SULF2: variants seen among roughly 807,000 people sequenced by gnomAD.
SULF2 encodes the protein extracellular sulfatase Sulf-2.
Under a neutral mutation model 107.7 loss-of-function variants are expected in SULF2, and 52 were observed. The observed-to-expected ratio is 0.48, with a 90% CI of 0.39 to 0.61. The LOEUF (loss-of-function observed/expected upper bound fraction) is 0.61. Ranked by LOEUF, SULF2 falls within the 20% of genes least tolerant of loss-of-function variation. SULF2 has a pLI of 0.00. For missense variants in SULF2, 993 were observed against 1,177.3 expected (o/e 0.84, Z 2.29); for synonymous variants, 460 against 464.3 (o/e 0.99, Z 0.12).
chr20:47,749,234 C>T (rs553671251), intron 2 of SULF2, among the ~76,000 whole-genome samples: 125 of 152,322 alleles, frequency 8.2e-4, no homozygotes, highest in African/African-American at 2.9e-3. Context: ...TACCTCCAGA[C>T]ATTTGTATAA....
At chr20:47,731,081 C>T (rs188228549) in intron 3 of SULF2, among the ~76,000 whole-genome samples, 24 of 152,008 alleles carry the variant, frequency 1.6e-4, no homozygotes, top group African/African-American at 5.8e-4. Flanking sequence ...AGGCACACAG[C>T]TGCTGGAGTG....
intron 11 of SULF2, among the ~76,000 whole-genome samples, chr20:47,667,976 T>A (rs1341875359): frequency 6.6e-6 from 1 of 152,184 alleles, no homozygotes; most frequent in Admixed American, 6.5e-5. Context: ...GGGAAAGGCC[T>A]CCCCTCTCCA....
intron 11 of SULF2, among the ~76,000 whole-genome samples, chr20:47,671,111 G>A (rs6012241): frequency 0.82 from 124,401 of 152,096 alleles, 51,171 homozygotes; most frequent in South Asian, 0.93. Flanking sequence ...GTGAAGCGAT[G>A]GCCCAGGGTG....
At chr20:47,703,585 C>T (rs943968268) in intron 3 of SULF2, among the ~76,000 whole-genome samples, 2 of 152,174 alleles carry the variant, frequency 1.3e-5, no homozygotes, top group South Asian at 4.1e-4. Context: ...GGTCCAACCA[C>T]GGTGGGGAAC....
Position 47,663,186 on chromosome 20 carries a change from C to T in SULF2, c.2254G>A (p.Ala752Thr), listed in dbSNP as rs143301039. The change falls in exon 17 of 21, where the codon GCC becomes ACC. Residue 752 changes from alanine to threonine, a missense_variant. Coordinates refer to ENST00000688720, the MANE Select transcript of SULF2 (RefSeq NM_001387048.1). ...ATGCACCAGTACGTGTTATTGTTGG[C>T]GCTGGTGCAGGCACAGAAAGGCCCC... ...TLGPFCACTS[A>T]NNNTYWCMRT... 8.7e-6 allele frequency: 14 copies of T among 1,613,996 alleles called. No individual in the cohort carries two copies. The highest frequency in any genetic ancestry group is 2.7e-5 in the African/African-American group (2 of 74,900).
intron 2 of SULF2, among the ~76,000 whole-genome samples, chr20:47,745,429 AT>A (rs1408197709): frequency 1.5e-4 from 1 of 6,506 alleles, no homozygotes; most frequent in African/African-American, 8.3e-4. Context: ...ATATATATAT[AT>A]ATATATATAT....
intron 11 of SULF2, among the ~76,000 whole-genome samples, chr20:47,669,257 T>A (rs2087382417): frequency 6.6e-6 from 1 of 152,132 alleles, no homozygotes; most frequent in South Asian, 2.1e-4. Context: ...TGGGTCCCCC[T>A]TCTGCTGTGA....
intron 4 of SULF2, among the ~76,000 whole-genome samples, 180 bp downstream of exon 4, chr20:47,702,339 C>T (rs1343945191): frequency 1.3e-5 from 2 of 152,140 alleles, no homozygotes; most frequent in South Asian, 2.1e-4. Flanking sequence ...GGATTACAGG[C>T]GTGAGCCACT....
At chr20:47,723,927 C>T (rs974285093) in intron 3 of SULF2, among the ~76,000 whole-genome samples, 8 of 152,190 alleles carry the variant, frequency 5.3e-5, no homozygotes, top group African/African-American at 1.4e-4. Context: ...CTGTCTTCCA[C>T]GAAACCGGTT....
intron 19 of SULF2, 54 bp downstream of exon 19, chr20:47,659,643 G>A: frequency 1.6e-5 from 25 of 1,521,136 alleles, no homozygotes; most frequent in Non-Finnish European, 2.3e-5. Context: ...TGAGACTGAA[G>A]GATGGGCCAA....
chr20:47,658,278 G>A lies in SULF2; in HGVS notation c.*84C>T. 6.8e-7 allele frequency: 1 copy of A among 1,463,452 alleles called. No homozygotes were observed. The allele number at this position is 1,463,452 out of a possible 1,614,324, so 90.7% of individuals were successfully genotyped here. ...GCCTCCTGGCCAATACCACAGGTCT[G>A]CTGGAAATCACCCACATGGTTTTTC... On this transcript the variant is annotated 3_prime_UTR_variant, in exon 21 of 21. Transcript: ENST00000688720.
In SULF2 at chr20:47,663,540, G is replaced by A. The variant is rs557579687; in HGVS notation, c.2140C>T (p.Leu714=). 3.7e-6 allele frequency: 6 copies of A among 1,613,080 alleles called. No homozygotes were observed. Among genetic ancestry groups the A allele is most frequent in the Middle Eastern group, 1.7e-4 (1 of 6,060 alleles). The change falls in exon 16 of 21, where the codon CTG becomes TTG. Residue 714 remains leucine, a synonymous_variant. Transcript: ENST00000688720. ...KKKLRKLLKR[L]QNNDTCSMPG... ...ATGCTGCACGTGTCGTTGTTCTGCA[G>A]GCGCTTGAGCAGCTTGCGGAGTTTC...
rs1328080031 is a variant in SULF2 at position 47,659,746 on chromosome 20, A to G, written c.2495-16T>C. The G allele has an allele frequency of 1.9e-6, 3 of 1,610,608 alleles. No individual in the cohort carries two copies. Among genetic ancestry groups the G allele is most frequent in the African/African-American group, 1.3e-5 (1 of 74,636 alleles). ...TCTTTAAGTCCTAAATGAAGGAGAA[A>G]TGAAAAACAAAACAGGAGCAGATAG... is the stretch of plus-strand genomic sequence containing the variant. On this transcript the variant is annotated splice_polypyrimidine_tract_variant and intron_variant, in intron 18 of 20. Coordinates refer to ENST00000688720, the MANE Select transcript of SULF2 (RefSeq NM_001387048.1).
chr20:47,754,666 A>G (rs1379612847), intron 2 of SULF2, among the ~76,000 whole-genome samples: 1 of 152,004 alleles, frequency 6.6e-6, no homozygotes, highest in Non-Finnish European at 1.5e-5. Context: ...CTTCAGAAGC[A>G]CTCCCTTGTC....
rs1404213463 is a variant in SULF2 at position 47,769,017 on chromosome 20, A to G, written c.-100-11554T>C. 2.0e-5 allele frequency among the ~76,000 whole-genome samples: 3 copies of G among 148,332 alleles called. No individual in the cohort carries two copies. In the East Asian group the frequency reaches 6.0e-4, roughly 30 times the overall value. ...TGCCTCAGCCTCCTGAGTAGCTGGG[A>G]TTACAGGCACCCGCCACCATGCCTG... On this transcript the variant is annotated intron_variant, in intron 1 of 20. Coordinates refer to ENST00000688720, the MANE Select transcript of SULF2 (RefSeq NM_001387048.1).
rs534712651 is a variant in SULF2, at chr20:47,761,488, A to G, written c.-100-4025T>C. Among the ~76,000 whole-genome samples the G allele has an allele frequency of 5.9e-5, 9 of 152,348 alleles. No homozygotes were observed. The East Asian group carries it at 1.7e-3, about 29-fold the overall frequency. On this transcript the variant is annotated intron_variant, in intron 1 of 20. Transcript: ENST00000688720. The stretch of plus-strand genomic sequence containing the variant: ...ATGTTTTGGGAAAAGAAAACTTCCT[A>G]CCCAAAGATAAATGGAAAGTGGACA...
chr20:47,718,740 T>G (rs576827900), intron 3 of SULF2, among the ~76,000 whole-genome samples: 1 of 152,146 alleles, frequency 6.6e-6, no homozygotes, highest in Non-Finnish European at 1.5e-5. Context: ...TTTGCCCTTA[T>G]TTAGGAAAGG....
intron 1 of SULF2, among the ~76,000 whole-genome samples, chr20:47,763,108 C>T (rs1037562235): frequency 6.6e-5 from 10 of 152,090 alleles, no homozygotes; most frequent in Admixed American, 5.9e-4. Flanking sequence ...ACTCACGCAG[C>T]ACCAGCCGCC....
intron 3 of SULF2, among the ~76,000 whole-genome samples, chr20:47,728,254 G>C (rs1478343418): frequency 6.6e-6 from 1 of 152,192 alleles, no homozygotes. Flanking sequence ...CACTCAAGGA[G>C]AGAGGAAGAG....
Sources: allele counts gnomAD v4.1 joint callset (sites outside exome capture counted in the v4.1 genomes callset), GRCh38; gene constraint gnomAD v4.1.1; transcripts MANE v1.5; gene names NCBI Gene and HGNC (gene_info 2026-07-23, HGNC 2026-07-21).